Variants in ERRFI1 observed in about 807,000 individuals in gnomAD.
ERRFI1 encodes the protein ERBB receptor feedback inhibitor 1, also known as mitogen-inducible gene 6 protein.
Under a neutral mutation model 14.6 loss-of-function variants are expected in ERRFI1, and 12 were observed. The ratio of observed to expected loss-of-function variants is 0.82; its 90% CI spans 0.53 to 1.33. The LOEUF is 1.33. Among genes scored for constraint, ERRFI1 ranks in the 40% most tolerant of loss-of-function variants. ERRFI1 has a pLI of 0.00. For synonymous variants in ERRFI1, 202 were observed against 209.9 expected (o/e 0.96, Z 0.32); for missense variants, 482 against 572.1 (o/e 0.84, Z 1.61).
chr1:8,021,851 T>C (rs1641277847), intron 1 of ERRFI1, among the ~76,000 whole-genome samples: 1 of 152,196 alleles, frequency 6.6e-6, no homozygotes, highest in Non-Finnish European at 1.5e-5. Flanking sequence ...GGACTTCAAC[T>C]AGACAGCCCG....
At chr1:8,024,603 A>G (rs534189368) in intron 1 of ERRFI1, among the ~76,000 whole-genome samples, 1 of 152,350 alleles carries the variant, frequency 6.6e-6, no homozygotes, top group Admixed American at 6.5e-5. Flanking sequence ...TAAGACCTCT[A>G]TCACTTATTA....
In ERRFI1 at chr1:8,014,071, G is replaced by A. The variant is rs2124060250; in HGVS notation, c.528C>T (p.Ser176=). ...DTDCEVEFLT[S]SDTDFLLEDS... ...CTTCTAAAAGGAAGTCTGTATCTGA[G>A]CTAGTTAGGAATTCCACCTCACAGT... The change falls in exon 4 of 4, where the codon AGC becomes AGT. Residue 176 remains serine (S), a synonymous_variant. Coordinates refer to ENST00000377482, the MANE Select transcript of ERRFI1 (RefSeq NM_018948.4). 1.2e-6 allele frequency: 2 copies of A among 1,614,166 alleles called. No homozygotes were observed. Among genetic ancestry groups the A allele is most frequent in the Non-Finnish European group, 1.7e-6 (2 of 1,180,038 alleles).
chr1:8,026,153 C>T lies in ERRFI1; in HGVS notation c.-74+5G>A, dbSNP rs1641345838. ...CCCACCCCCTCAGCGCGCCAGGCCC[C>T]TTACCCCGGAGGAGCGGCGGCTGCC... On this transcript the variant is annotated splice_donor_5th_base_variant and intron_variant, in intron 1 of 3. Coordinates refer to ENST00000377482, the MANE Select transcript of ERRFI1 (RefSeq NM_018948.4). 1 of 151,832 alleles carries T rather than the reference C, an allele frequency of 6.6e-6. No homozygotes were observed. The highest frequency in any genetic ancestry group is 6.6e-5 in the Admixed American group (1 of 15,236). 9.4% of individuals were successfully genotyped at this position (151,832 alleles called of 1,614,324 possible). A position where few individuals can be genotyped will look rare whatever the true frequency, so the allele number is the denominator to read the frequency against.
At chr1:8,016,718 T>C (rs1043809549) in intron 1 of ERRFI1, among the ~76,000 whole-genome samples, 17 of 152,332 alleles carry the variant, frequency 1.1e-4, no homozygotes, top group African/African-American at 3.8e-4. Flanking sequence ...TGTCAACTAT[T>C]GTGTAACACT....
intron 3 of ERRFI1, 49 bp downstream of exon 3, chr1:8,015,259 G>C: frequency 1.3e-6 from 2 of 1,543,620 alleles, no homozygotes; most frequent in Non-Finnish European, 1.8e-6. Context: ...CCCGAATCCA[G>C]ACTGTTCTTC....
At chr1:8,014,863 A>G (rs1641150366) in intron 3 of ERRFI1, 1 of 210,408 alleles carries the variant, frequency 4.8e-6, no homozygotes, top group Non-Finnish European at 9.6e-6. Flanking sequence ...TTCAGTTCAC[A>G]CACAGCTCTT....
In ERRFI1 at chr1:8,012,715, A is replaced by C. The variant is rs955987458; in HGVS notation, c.*495T>G. 7 of 231,094 alleles carry C rather than the reference A, an allele frequency of 3.0e-5. No individual in the cohort carries two copies. The highest frequency in any genetic ancestry group is 8.9e-5 in the African/African-American group (4 of 45,184). 14.3% of individuals were successfully genotyped at this position (231,094 alleles called of 1,614,324 possible). On this transcript the variant is annotated 3_prime_UTR_variant, in exon 4 of 4. Transcript: ENST00000377482. ...AATGGAACAAAATAGAAAAGGCCTAAAAGCCAGAAATCTTCAAACTTACTA... is the reference window on the plus strand; with the variant it reads ...AATGGAACAAAATAGAAAAGGCCTACAAGCCAGAAATCTTCAAACTTACTA...
At position 8,015,550 on chromosome 1, in the gene ERRFI1, G is replaced by A. The variant is rs751230334; in HGVS notation, c.70C>T (p.Arg24Ter). 1.1e-4 allele frequency: 170 copies of A among 1,613,868 alleles called. No individual in the cohort carries two copies. Among genetic ancestry groups the A allele is most frequent in the Non-Finnish European group, 1.4e-4 (166 of 1,179,974 alleles). Residue 24 changes from arginine (R) to a stop codon, truncating the protein, a stop_gained, in exon 2 of 4, where the codon CGA (arginine) becomes TGA (stop). Transcript: ENST00000377482. LOFTEE classifies it high-confidence loss of function. ...PLKTGFLHNG[R>*]AMGNMRKTYW... is the part of the protein sequence containing the mutation. ...GTCTTCCTCATATTCCCCATGGCTC[G>A]GCCATTATGTAGAAATCCAGTTTTT...
intron 1 of ERRFI1, among the ~76,000 whole-genome samples, chr1:8,016,560 G>A (rs1310351327): frequency 6.6e-6 from 1 of 152,200 alleles, no homozygotes; most frequent in African/African-American, 2.4e-5. Context: ...TTTGTCAGAT[G>A]TTACAGGTCT....
In ERRFI1 at chr1:8,013,889, G is replaced by A. The variant is rs760349722; in HGVS notation, c.710C>T (p.Pro237Leu). The change falls in exon 4 of 4, where the codon CCT becomes CTT. Residue 237 changes from proline (P) to leucine (L), a missense_variant. By Grantham distance (98) the Pro-to-Leu change is moderately conservative (BLOSUM62 -3). Transcript: ENST00000377482. The surrounding 1 kb of genome is among the most constrained non-coding windows in gnomAD (Gnocchi z 4.3). ...DQNGGVPDPN[P>L]PPPQTHRRLR... ...TCTTCGGTGGGTCTGAGGTGGAGGA[G>A]GATTTGGATCTGGGACACCTCCATT... 2.5e-6 allele frequency: 4 copies of A among 1,613,970 alleles called. No homozygotes were observed. The South Asian group carries it at 3.3e-5, about 13-fold the overall frequency.
At chr1:8,025,331 A>C (rs1275020570) in intron 1 of ERRFI1, among the ~76,000 whole-genome samples, 1 of 152,226 alleles carries the variant, frequency 6.6e-6, no homozygotes, top group Non-Finnish European at 1.5e-5. Flanking sequence ...TATACATATA[A>C]ATACACACAC....
At chr1:8,015,411 C>T in intron 2 of ERRFI1, 27 bp from the exon 3 acceptor site, 1 of 1,614,072 alleles carries the variant, frequency 6.2e-7, no homozygotes, top group East Asian at 2.2e-5. Context: ...CTACTTTGGT[C>T]ATAAGCGAAG....
intron 1 of ERRFI1, among the ~76,000 whole-genome samples, chr1:8,017,703 CGTT>C (rs1342221638): frequency 6.6e-6 from 1 of 152,140 alleles, no homozygotes; most frequent in Non-Finnish European, 1.5e-5. Context: ...TGAAAGCACA[CGTT>C]TGAAGATCGC....
At chr1:8,021,542 A>T (rs1454294911) in intron 1 of ERRFI1, among the ~76,000 whole-genome samples, 1 of 152,242 alleles carries the variant, frequency 6.6e-6, no homozygotes, top group Non-Finnish European at 1.5e-5. Flanking sequence ...AAAGACAACG[A>T]GCACAATGGT....
At chr1:8,019,718 T>C (rs1229598187) in intron 1 of ERRFI1, among the ~76,000 whole-genome samples, 1 of 152,228 alleles carries the variant, frequency 6.6e-6, no homozygotes, top group Admixed American at 6.5e-5. Context: ...TGCCCAATAA[T>C]AATGTAACAA....
chr1:8,020,435 A>C (rs1641258765), intron 1 of ERRFI1, among the ~76,000 whole-genome samples: 1 of 152,082 alleles, frequency 6.6e-6, no homozygotes, highest in Non-Finnish European at 1.5e-5. Context: ...AATATGACAA[A>C]CTCCATGATT....
chr1:8,012,193 C>T lies in ERRFI1; in HGVS notation c.*1017G>A, dbSNP rs570992727. ...TGTTTTACTTAAAAAGCAAACAATC[C>T]CCAGGAAATACTGAATAGGAACCAG... On this transcript the variant is annotated 3_prime_UTR_variant, in exon 4 of 4. Transcript: ENST00000377482. 1.3e-5 allele frequency: 3 copies of T among 231,326 alleles called. No individual in the cohort carries two copies. In the South Asian group the frequency reaches 5.5e-4, roughly 42 times the overall value. 14.3% of individuals were successfully genotyped at this position (231,326 alleles called of 1,614,324 possible).
At chr1:8,018,182 T>C (rs1037059493) in intron 1 of ERRFI1, among the ~76,000 whole-genome samples, 3 of 152,024 alleles carry the variant, frequency 2.0e-5, no homozygotes, top group African/African-American at 7.2e-5. Context: ...GGGGGCAATA[T>C]AACTGCCATG....
In ERRFI1 at chr1:8,015,251, C is replaced by T. The variant is rs144399366; in HGVS notation, c.202+57G>A. On this transcript the variant is annotated intron_variant, in intron 3 of 3. Transcript: ENST00000377482. ...AATAATGCTGGAGGACAAGCTAACC[C>T]GAATCCAGACTGTTCTTCTCAAATG... is the stretch of plus-strand genomic sequence containing the variant. 1,328 of 1,508,926 alleles carry T rather than the reference C, an allele frequency of 8.8e-4. 7 individuals carry two copies. In the African/African-American group the frequency reaches 0.016, roughly 18 times the overall value. The allele number at this position is 1,508,926 out of a possible 1,614,324, so 93.5% of individuals were successfully genotyped here.
Sources: gnomAD v4.1 joint callset for allele counts (sites outside exome capture counted in the v4.1 genomes callset) on GRCh38, gnomAD v4.1.1 for gene constraint, Gnocchi (gnomAD v3.1) non-coding constraint, MANE v1.5 for transcripts, NCBI Gene and HGNC (gene_info 2026-07-23, HGNC 2026-07-21) for gene names.